Variants in ACER3 observed in about 807,000 individuals in gnomAD.
The protein encoded by ACER3 is alkaline ceramidase 3, also known as alkCDase 3.
Under a neutral mutation model 48.9 loss-of-function variants are expected in ACER3, and 16 were observed. The observed-to-expected ratio is 0.33, with a 90% confidence interval of 0.22 to 0.50. The LOEUF (loss-of-function observed/expected upper bound fraction) is 0.50, where lower values mean the gene tolerates loss of function less well. ACER3 is among the 20% of genes least tolerant of loss of function. ACER3 has a pLI of 0.98. For synonymous variants in ACER3, 109 were observed against 107.8 expected, an observed-to-expected ratio of 1.01 and a Z score of -0.07; for missense variants, 227 against 326.0, an observed-to-expected ratio of 0.70 and a Z score of 2.34.
At chr11:76,930,837 T>C (rs1946979683) in intron 2 of ACER3, among the ~76,000 whole-genome samples, 1 of 152,122 alleles carries the variant, frequency 6.6e-6, no homozygotes, top group African/African-American at 2.4e-5. Context: ...AGACAGTTTG[T>C]TATAATTTCT....
At position 77,026,423 on chromosome 11, in the gene ACER3, C is replaced by T. The variant is rs1591084337; in HGVS notation, c.*6096C>T. ...ATTATCTATTTTTGCTTAATGGACT[C>T]ATGTGGCATTGTTCACTATCATGCC... On this transcript the variant is annotated 3_prime_UTR_variant, in exon 11 of 11. Coordinates refer to ENST00000532485, the MANE Select transcript of ACER3 (RefSeq NM_018367.7). 6.6e-6 allele frequency: 1 copy of T among 152,324 alleles called. No individual in the cohort carries two copies. Among genetic ancestry groups the T allele is most frequent in the African/African-American group, 2.4e-5 (1 of 41,582 alleles). The allele number at this position is 152,324 out of a possible 1,614,324, so 9.4% of individuals were successfully genotyped here. A position where few individuals can be genotyped will look rare whatever the true frequency, so the allele number is the denominator to read the frequency against.
intron 1 of ACER3, among the ~76,000 whole-genome samples, chr11:76,909,906 G>T (rs902250882): frequency 2.6e-5 from 4 of 152,172 alleles, no homozygotes; most frequent in African/African-American, 9.7e-5. Context: ...TAAAGAAAAT[G>T]TGACATATAT....
At chr11:76,932,092 G>A (rs972393046) in intron 2 of ACER3, among the ~76,000 whole-genome samples, 1 of 151,922 alleles carries the variant, frequency 6.6e-6, no homozygotes, top group African/African-American at 2.4e-5. Context: ...GGGACCACAG[G>A]CGTATGCCAC....
intron 1 of ACER3, among the ~76,000 whole-genome samples, chr11:76,874,226 T>C (rs1344270943): frequency 6.6e-6 from 1 of 152,198 alleles, no homozygotes; most frequent in Admixed American, 6.5e-5. Flanking sequence ...AGCCTGTGAC[T>C]TTGGGCAAAT....
intron 4 of ACER3, among the ~76,000 whole-genome samples, chr11:76,982,943 T>A (rs1948615994): frequency 6.6e-6 from 1 of 152,266 alleles, no homozygotes; most frequent in Admixed American, 6.5e-5. Flanking sequence ...TTCTGTTTTA[T>A]TGATCACTGC....
intron 1 of ACER3, among the ~76,000 whole-genome samples, chr11:76,906,865 C>G (rs564644433): frequency 6.6e-6 from 1 of 152,166 alleles, no homozygotes; most frequent in South Asian, 2.1e-4. Context: ...CTGGACATGA[C>G]TTTATCTACA....
intron 6 of ACER3, among the ~76,000 whole-genome samples, chr11:76,995,298 C>T (rs1281580617): frequency 1.3e-5 from 2 of 152,154 alleles, no homozygotes; most frequent in East Asian, 3.9e-4. Context: ...GCCTAGGATA[C>T]TAGTACCCCA....
Position 76,926,544 on chromosome 11 carries a change from T to G in ACER3, c.104-13T>G. On this transcript the variant is annotated splice_polypyrimidine_tract_variant and intron_variant, in intron 1 of 10. Transcript: ENST00000532485. ...GATTAACCTAAATGTCTTCTTATAT[T>G]TTTCTCTTAAAGGGAATACAGTGAG... The G allele has an allele frequency of 4.6e-6, 7 of 1,522,914 alleles. No individual in the cohort carries two copies. The highest frequency in any genetic ancestry group is 6.4e-6 in the Non-Finnish European group (7 of 1,101,604). The allele number at this position is 1,522,914 out of a possible 1,614,324, so 94.3% of individuals were successfully genotyped here.
intron 3 of ACER3, among the ~76,000 whole-genome samples, chr11:76,969,370 T>G (rs1400905224): frequency 6.6e-6 from 1 of 152,182 alleles, no homozygotes; most frequent in Non-Finnish European, 1.5e-5. Context: ...GTTCAACCAT[T>G]GTGGAAGACA....
rs1479614942 is a variant in ACER3, at chr11:76,868,078, T to C, written c.103+6999T>C. On this transcript the variant is annotated intron_variant, in intron 1 of 10. Coordinates refer to ENST00000532485, the MANE Select transcript of ACER3 (RefSeq NM_018367.7). ...TATGCCATGAAAGGCATTTGACTGC[T>C]TGTAGCCCTTTGCTATATTTCTTTT... 3 of 1,286,938 alleles carry C rather than the reference T, an allele frequency of 2.3e-6. No homozygotes were observed. In the Admixed American group the frequency reaches 6.9e-5, roughly 30 times the overall value. The allele number at this position is 1,286,938 out of a possible 1,614,324, so 79.7% of individuals were successfully genotyped here.
chr11:76,910,222 T>C (rs1946340787), intron 1 of ACER3, among the ~76,000 whole-genome samples: 3 of 152,038 alleles, frequency 2.0e-5, no homozygotes, highest in African/African-American at 7.3e-5. Context: ...TGTATAACTA[T>C]GTAACAAACC....
chr11:76,865,931 CTCAGG>C (rs761300733), intron 1 of ACER3, among the ~76,000 whole-genome samples: 1 of 151,674 alleles, frequency 6.6e-6, no homozygotes, highest in Non-Finnish European at 1.5e-5. Flanking sequence ...ATCCTCCCAG[CTCAGG>C]CTCCCAAGTA....
intron 1 of ACER3, among the ~76,000 whole-genome samples, chr11:76,906,927 A>G (rs746371235): frequency 3.9e-5 from 6 of 152,334 alleles, no homozygotes; most frequent in Admixed American, 1.3e-4. Flanking sequence ...ATAACAAAAT[A>G]TAAACAATGA....
intron 7 of ACER3, among the ~76,000 whole-genome samples, chr11:77,001,221 T>C (rs1425150560): frequency 2.0e-5 from 3 of 152,156 alleles, no homozygotes; most frequent in African/African-American, 7.2e-5. Flanking sequence ...AAGTCAGTTC[T>C]AGGAGAGTTT....
chr11:76,904,369 A>G (rs1946162725), intron 1 of ACER3, among the ~76,000 whole-genome samples: 1 of 152,034 alleles, frequency 6.6e-6, no homozygotes, highest in Non-Finnish European at 1.5e-5. Context: ...CTTTCAACCA[A>G]TTGTCAATCA....
At chr11:76,918,892 T>C (rs1196736679) in intron 1 of ACER3, among the ~76,000 whole-genome samples, 1 of 152,218 alleles carries the variant, frequency 6.6e-6, no homozygotes, top group East Asian at 1.9e-4. Flanking sequence ...GATCTCCCTA[T>C]CTACATCCAT....
At chr11:76,920,549 G>A (rs543124178) in intron 1 of ACER3, among the ~76,000 whole-genome samples, 1 of 151,562 alleles carries the variant, frequency 6.6e-6, no homozygotes, top group South Asian at 2.1e-4. Context: ...CTTTACTTGT[G>A]ACTAGCCTGT....
intron 5 of ACER3, among the ~76,000 whole-genome samples, chr11:76,988,957 A>G (rs1565215728): frequency 1.3e-5 from 2 of 152,200 alleles, no homozygotes; most frequent in Admixed American, 6.5e-5. Context: ...TTAAATGAAG[A>G]AAATAATAGT....
At chr11:76,982,978 C>T (rs1208741155) in intron 4 of ACER3, among the ~76,000 whole-genome samples, 1 of 152,154 alleles carries the variant, frequency 6.6e-6, no homozygotes, top group African/African-American at 2.4e-5. Context: ...TGTCTAGTTA[C>T]TGTAGCTTTA....
Sources: allele counts gnomAD v4.1 joint callset (sites outside exome capture counted in the v4.1 genomes callset), GRCh38; gene constraint gnomAD v4.1.1; transcripts MANE v1.5; gene names NCBI Gene and HGNC (gene_info 2026-07-23, HGNC 2026-07-21).